Variants in SLC36A4 observed in about 807,000 individuals in gnomAD.
The protein encoded by SLC36A4 is solute carrier family 36 member 4, also known as neutral amino acid uniporter 4.
In SLC36A4, 49 loss-of-function variants were observed where a neutral mutation model predicts 50.5. That is an observed-to-expected ratio of 0.97 (90% CI 0.77 to 1.23). The LOEUF is 1.23. SLC36A4 is among the 50% of genes most tolerant of loss of function. The probability of loss-of-function intolerance (pLI) is 0.00; values close to 1 mark genes in which losing one functional copy is unlikely to be tolerated. For missense variants in SLC36A4, 611 were observed against 608.4 expected, an observed-to-expected ratio of 1.00 and a Z score of -0.05; for synonymous variants, 207 against 206.5, an observed-to-expected ratio of 1.00 and a Z score of -0.02.
intron 1 of SLC36A4, among the ~76,000 whole-genome samples, chr11:93,190,465 T>G (rs1229097846): frequency 6.6e-6 from 1 of 152,210 alleles, no homozygotes; most frequent in South Asian, 2.1e-4. Flanking sequence ...TGTATGCTTA[T>G]ATCAAAATAT....
In SLC36A4 at chr11:93,185,765, T is replaced by C. The variant is rs1565237430; in HGVS notation, c.105A>G (p.Thr35=). 2 of 1,608,868 alleles carry C rather than the reference T, an allele frequency of 1.2e-6. No individual in the cohort carries two copies. The highest frequency in any genetic ancestry group is 8.5e-7 in the Non-Finnish European group (1 of 1,178,670). The change falls in exon 2 of 11, where the codon ACA becomes ACG. Residue 35 remains threonine, a synonymous_variant. Coordinates refer to ENST00000326402, the MANE Select transcript of SLC36A4 (RefSeq NM_152313.4). Reference sequence around the variant, plus strand: ...GCTCTTGCTCATGTTCTTCATCTGATGTCCCATCAAAATTCTGCTCATTTA... The same window carrying C: ...GCTCTTGCTCATGTTCTTCATCTGACGTCCCATCAAAATTCTGCTCATTTA... ...PLINEQNFDG[T]SDEEHEQELL...
rs1861944630 is a variant in SLC36A4, at chr11:93,185,552, G to A, written c.179+139C>T. On this transcript the variant is annotated intron_variant, in intron 2 of 10. Coordinates refer to ENST00000326402, the MANE Select transcript of SLC36A4 (RefSeq NM_152313.4). Reference sequence around the variant, plus strand: ...TTTAAACGCATTTCTTTCCCAAATAGACTATAAACTCATTGAAGGTGGAGA... The same window carrying A: ...TTTAAACGCATTTCTTTCCCAAATAAACTATAAACTCATTGAAGGTGGAGA... 7 of 721,926 alleles carry A rather than the reference G, an allele frequency of 9.7e-6. No individual in the cohort carries two copies. In the Admixed American group the frequency reaches 2.2e-4, roughly 23 times the overall value. 44.7% of individuals were successfully genotyped at this position (721,926 alleles called of 1,614,324 possible). A position where few individuals can be genotyped will look rare whatever the true frequency, so the allele number is the denominator to read the frequency against.
chr11:93,167,780 A>G (rs112554756), intron 7 of SLC36A4, among the ~76,000 whole-genome samples, 164 bp downstream of exon 7: 7 of 152,028 alleles, frequency 4.6e-5, no homozygotes, highest in African/African-American at 1.7e-4. Context: ...TACTTTTCTA[A>G]CTCAGCAGCA....
At chr11:93,157,796 T>G (rs1165006196) in intron 9 of SLC36A4, among the ~76,000 whole-genome samples, 1 of 152,208 alleles carries the variant, frequency 6.6e-6, no homozygotes, top group Non-Finnish European at 1.5e-5. Context: ...AGATATAGGA[T>G]CATGTCATCT....
intron 6 of SLC36A4, among the ~76,000 whole-genome samples, chr11:93,172,768 C>T (rs368168849): frequency 7.7e-6 from 1 of 129,748 alleles, no homozygotes; most frequent in Non-Finnish European, 1.6e-5. Context: ...CTACAAAGGA[C>T]ATGAACTCAT....
chr11:93,159,717 G>T, intron 9 of SLC36A4: 1 of 620,946 alleles, frequency 1.6e-6, no homozygotes, highest in Non-Finnish European at 2.0e-6. Context: ...TGCAATACAT[G>T]TACAGTATTA....
At chr11:93,186,494 G>A (rs556434514) in intron 1 of SLC36A4, among the ~76,000 whole-genome samples, 1 of 151,992 alleles carries the variant, frequency 6.6e-6, no homozygotes, top group East Asian at 1.9e-4. Context: ...TATTTTTTAT[G>A]ATGCCTTTAA....
intron 9 of SLC36A4, chr11:93,154,797 T>A (rs995767): frequency 0.97 from 146,978 of 152,200 alleles, 71,188 homozygotes; most frequent in East Asian, 1. Context: ...TTCAACTTGC[T>A]AAGTTCTCTA....
rs944376870 is a variant in SLC36A4, at chr11:93,180,105, T to C, written c.540+692A>G. The C allele has an allele frequency of 8.4e-6, 8 of 952,434 alleles. No homozygotes were observed. The African/African-American group carries it at 1.1e-4, about 13-fold the overall frequency. 59.0% of individuals were successfully genotyped at this position (952,434 alleles called of 1,614,324 possible). The stretch of plus-strand genomic sequence containing the variant: ...AAATGTTTACTGTACCATGGACATG[T>C]GGATAATTAATAAATATTATTGATT... On this transcript the variant is annotated intron_variant, in intron 6 of 10. Transcript: ENST00000326402.
At chr11:93,170,719 T>C (rs1024955966) in intron 6 of SLC36A4, among the ~76,000 whole-genome samples, 1 of 152,018 alleles carries the variant, frequency 6.6e-6, no homozygotes, top group African/African-American at 2.4e-5. Flanking sequence ...TTTTCTAGAG[T>C]ATCTTAGAGT....
intron 6 of SLC36A4, among the ~76,000 whole-genome samples, chr11:93,175,427 T>A (rs1338971340): frequency 6.6e-6 from 1 of 150,944 alleles, no homozygotes; most frequent in Non-Finnish European, 1.5e-5. Flanking sequence ...TTTTGAAGGG[T>A]TTTTTGTGTC....
intron 3 of SLC36A4, among the ~76,000 whole-genome samples, chr11:93,183,450 G>A (rs925272329): frequency 1.3e-5 from 2 of 152,054 alleles, no homozygotes; most frequent in African/African-American, 4.8e-5. Context: ...TATTGCCAAA[G>A]TTTATTTTTA....
intron 6 of SLC36A4, among the ~76,000 whole-genome samples, chr11:93,174,141 T>C (rs1185379551): frequency 6.7e-6 from 1 of 150,338 alleles, no homozygotes; most frequent in African/African-American, 2.4e-5. Context: ...GGTTTGTAGT[T>C]CTCCTTGAAG....
At chr11:93,183,749 G>A (rs887326288) in intron 3 of SLC36A4, among the ~76,000 whole-genome samples, 2 of 151,420 alleles carry the variant, frequency 1.3e-5, no homozygotes, top group African/African-American at 4.9e-5. Context: ...CCAGGCTGGA[G>A]TGCAGTGGCG....
In SLC36A4 at chr11:93,182,903, A is replaced by G. The variant is rs375726895; in HGVS notation, c.271-9T>C. Reference sequence around the variant, plus strand: ...AGGCTGATTGGTCCAAGCTGTGGGGAAAAAAAATTTATAAGGTTTAAATAT... The same window carrying G: ...AGGCTGATTGGTCCAAGCTGTGGGGGAAAAAAATTTATAAGGTTTAAATAT... On this transcript the variant is annotated splice_polypyrimidine_tract_variant and intron_variant, in intron 3 of 10. Transcript: ENST00000326402. The G allele has an allele frequency of 1.8e-5, 28 of 1,579,264 alleles. 1 individual carries two copies. In the African/African-American group the frequency reaches 3.1e-4, roughly 18 times the overall value.
intron 6 of SLC36A4, among the ~76,000 whole-genome samples, chr11:93,170,772 A>C (rs1861097696): frequency 6.6e-6 from 1 of 152,186 alleles, no homozygotes; most frequent in East Asian, 1.9e-4. Flanking sequence ...GACTAGACTT[A>C]TCAGAAGCAC....
intron 6 of SLC36A4, among the ~76,000 whole-genome samples, chr11:93,176,105 G>C (rs1861456842): frequency 6.8e-6 from 1 of 146,378 alleles, no homozygotes; most frequent in Admixed American, 6.8e-5. Flanking sequence ...AGGTCACTCA[G>C]GACTTGCTTT....
chr11:93,155,474 A>T (rs1860313739), intron 9 of SLC36A4: 1 of 152,142 alleles, frequency 6.6e-6, no homozygotes, highest in African/African-American at 2.4e-5. Flanking sequence ...ATAAACCTTG[A>T]CATTAATGAA....
chr11:93,148,873 T>G, intron 10 of SLC36A4, 29 bp from the exon 11 acceptor site: 1 of 1,566,934 alleles, frequency 6.4e-7, no homozygotes. Context: ...TTTATTTTTC[T>G]TATTTAAATG....
Sources: gnomAD v4.1 joint callset for allele counts (sites outside exome capture counted in the v4.1 genomes callset) on GRCh38, gnomAD v4.1.1 for gene constraint, MANE v1.5 for transcripts, NCBI Gene and HGNC (gene_info 2026-07-23, HGNC 2026-07-21) for gene names.